The following CFAP54 variants were observed in gnomAD, a reference collection of about 807,000 sequenced individuals.
CFAP54 encodes the protein cilia and flagella associated protein 54.
A neutral mutation model predicts 370.4 loss-of-function variants in CFAP54; 290 were observed. That is an observed-to-expected ratio of 0.78 (90% CI 0.71 to 0.86). CFAP54 has a LOEUF of 0.86. Ranked by LOEUF, CFAP54 falls within the 40% of genes least tolerant of loss-of-function variation. The pLI is 0.00. For synonymous variants in CFAP54, 1,206 were observed against 1,236.5 expected, an observed-to-expected ratio of 0.98 and a Z score of 0.52; for missense variants, 3,399 against 3,528.7, an observed-to-expected ratio of 0.96 and a Z score of 0.93.
intron 48 of CFAP54, among the ~76,000 whole-genome samples, chr12:96,711,794 A>G (rs1957618395): frequency 6.6e-6 from 1 of 152,254 alleles, no homozygotes; most frequent in South Asian, 2.1e-4. Context: ...GGATGCCAGA[A>G]GTTAATCTCC....
intron 66 of CFAP54, among the ~76,000 whole-genome samples, chr12:96,857,031 A>G (rs1959723646): frequency 6.6e-6 from 1 of 152,218 alleles, no homozygotes; most frequent in Non-Finnish European, 1.5e-5. Flanking sequence ...CCTTCTGCAC[A>G]TGGCAGCAGC....
chr12:96,728,841 A>G (rs1957878139), intron 50 of CFAP54, among the ~76,000 whole-genome samples: 1 of 152,084 alleles, frequency 6.6e-6, no homozygotes. Context: ...ATGGTGATGT[A>G]CAGATGGGTT....
intron 60 of CFAP54, among the ~76,000 whole-genome samples, chr12:96,768,786 G>T (rs191457155): frequency 6.6e-6 from 1 of 152,352 alleles, no homozygotes; most frequent in East Asian, 1.9e-4. Context: ...CTTCTGAGGG[G>T]AGCTGGACAC....
chr12:96,784,900 T>G lies in CFAP54; in HGVS notation c.8455+10T>G. 1 of 1,501,100 alleles carries G rather than the reference T, an allele frequency of 6.7e-7. No individual in the cohort carries two copies. The highest frequency in any genetic ancestry group is 1.7e-4 in the Middle Eastern group (1 of 5,878). The allele number at this position is 1,501,100 out of a possible 1,614,324, so 93.0% of individuals were successfully genotyped here. ...CTGAGCAAACTGCTAGGTAGGTTTT[T>G]TGATGTGTTAAGAGAGAACATATTT... is the stretch of plus-strand genomic sequence containing the variant. On this transcript the variant is annotated intron_variant, in intron 61 of 67. Transcript: ENST00000524981.
intron 11 of CFAP54, 74 bp downstream of exon 11, chr12:96,534,301 G>T: frequency 5.7e-6 from 5 of 870,936 alleles, no homozygotes; most frequent in Non-Finnish European, 8.5e-6. Context: ...GTGAGAGAAA[G>T]GATGTTGAAG....
chr12:96,542,781 AT>A (rs1486048123), intron 14 of CFAP54, among the ~76,000 whole-genome samples: 1 of 152,218 alleles, frequency 6.6e-6, no homozygotes, highest in African/African-American at 2.4e-5. Flanking sequence ...GTATTAAAAA[AT>A]ATCTTTTAAA....
At chr12:96,613,945 C>T (rs539059614) in intron 26 of CFAP54, among the ~76,000 whole-genome samples, 116 of 151,622 alleles carry the variant, frequency 7.7e-4, no homozygotes, top group African/African-American at 1.6e-3. Flanking sequence ...CAAGGAGGAG[C>T]GGGTACCATT....
intron 61 of CFAP54, among the ~76,000 whole-genome samples, chr12:96,785,304 C>T (rs1046913631): frequency 5.9e-5 from 9 of 151,380 alleles, no homozygotes; most frequent in African/African-American, 9.7e-5. Context: ...ATATTAATTC[C>T]GTGGAGTTTT....
intron 48 of CFAP54, among the ~76,000 whole-genome samples, chr12:96,711,637 TCAC>T (rs535979063): frequency 3.3e-4 from 51 of 152,348 alleles, no homozygotes; most frequent in African/African-American, 1.2e-3. Flanking sequence ...AGTACTGTTC[TCAC>T]CACATTTTAG....
At chr12:96,676,179 TCC>T (rs1481122135) in intron 39 of CFAP54, among the ~76,000 whole-genome samples, 1 of 152,148 alleles carries the variant, frequency 6.6e-6, no homozygotes, top group Admixed American at 6.5e-5. Context: ...ACTCTGCACC[TCC>T]ACACACAGGT....
chr12:96,797,947 T>C (rs1223301841), intron 63 of CFAP54, among the ~76,000 whole-genome samples: 3 of 152,048 alleles, frequency 2.0e-5, no homozygotes, highest in African/African-American at 7.2e-5. Context: ...GATTTCTTTA[T>C]CATTCATTTT....
rs76892726 is a variant in CFAP54, at chr12:96,634,957, A to G, written c.4316+4306A>G. Among the ~76,000 whole-genome samples, 715 of 152,292 alleles carry G rather than the reference A, an allele frequency of 4.7e-3. 4 individuals are homozygous for G. The highest frequency in any genetic ancestry group is 0.016 in the African/African-American group (678 of 41,560). Reference sequence around the variant, plus strand: ...TTGATCTATGTGCCTCCCTCTGCCAATACCACATTCCCTTTCTTGATTACT... The same window carrying G: ...TTGATCTATGTGCCTCCCTCTGCCAGTACCACATTCCCTTTCTTGATTACT... On this transcript the variant is annotated intron_variant, in intron 32 of 67. Transcript: ENST00000524981.
At chr12:96,673,854 G>T (rs1334708580) in intron 39 of CFAP54, among the ~76,000 whole-genome samples, 1 of 152,174 alleles carries the variant, frequency 6.6e-6, no homozygotes, top group Non-Finnish European at 1.5e-5. Flanking sequence ...AACATTTGGT[G>T]TACTCATTAT....
intron 67 of CFAP54, among the ~76,000 whole-genome samples, chr12:96,872,471 A>G (rs554469000): frequency 1.3e-5 from 2 of 152,236 alleles, no homozygotes; most frequent in African/African-American, 2.4e-5. Flanking sequence ...AGTGGAGACC[A>G]TGTAAACACT....
chr12:96,835,557 G>C (rs1489946052), intron 66 of CFAP54, among the ~76,000 whole-genome samples: 2 of 152,158 alleles, frequency 1.3e-5, no homozygotes, highest in African/African-American at 2.4e-5. Context: ...TTACATGCAG[G>C]CTTGGCCCCG....
chr12:96,557,617 A>G (rs1228483130), intron 17 of CFAP54, among the ~76,000 whole-genome samples: 1 of 152,144 alleles, frequency 6.6e-6, no homozygotes, highest in Non-Finnish European at 1.5e-5. Context: ...AAAATGACCA[A>G]CGTGGATGAA....
chr12:96,784,153 T>A (rs548431739), intron 60 of CFAP54, among the ~76,000 whole-genome samples: 1 of 152,370 alleles, frequency 6.6e-6, no homozygotes, highest in South Asian at 2.1e-4. Flanking sequence ...TATATGGGTA[T>A]CTGCATTTTC....
chr12:96,824,720 T>C (rs549121298), intron 65 of CFAP54, among the ~76,000 whole-genome samples: 1 of 152,208 alleles, frequency 6.6e-6, no homozygotes, highest in African/African-American at 2.4e-5. Context: ...CCGTGATCAC[T>C]TCCTACCCAA....
At chr12:96,662,592 G>C (rs2136519797) in intron 38 of CFAP54, among the ~76,000 whole-genome samples, 1 of 152,296 alleles carries the variant, frequency 6.6e-6, no homozygotes, top group Non-Finnish European at 1.5e-5. Flanking sequence ...CCCTATGGTG[G>C]CTTCCCACCC....
Sources: allele counts gnomAD v4.1 joint callset (sites outside exome capture counted in the v4.1 genomes callset), GRCh38; gene constraint gnomAD v4.1.1; transcripts MANE v1.5; gene names NCBI Gene and HGNC (gene_info 2026-07-23, HGNC 2026-07-21).